Variants in DNER observed in about 807,000 individuals in gnomAD.
DNER encodes the protein delta and Notch-like epidermal growth factor-related receptor.
Under a neutral mutation model 78.2 loss-of-function variants are expected in DNER, and 33 were observed. The observed-to-expected ratio is 0.42, with a 90% CI of 0.32 to 0.56. DNER has a LOEUF of 0.56. Among genes scored for constraint, DNER ranks in the 20% least tolerant of loss-of-function variants. The pLI, the probability that DNER is intolerant of heterozygous loss-of-function variation, is 0.11. For missense variants in DNER, 918 were observed against 975.3 expected, an observed-to-expected ratio of 0.94 and a Z score of 0.78; for synonymous variants, 417 against 384.8, an observed-to-expected ratio of 1.08 and a Z score of -0.98.
intron 1 of DNER, among the ~76,000 whole-genome samples, chr2:229,624,264 A>T (rs554342879): frequency 6.6e-6 from 1 of 152,368 alleles, no homozygotes; most frequent in Non-Finnish European, 1.5e-5. Flanking sequence ...AAGTGAAGTT[A>T]AGAAAGAGAA....
intron 7 of DNER, among the ~76,000 whole-genome samples, chr2:229,453,438 G>A (rs554189061): frequency 1.3e-5 from 2 of 152,276 alleles, no homozygotes; most frequent in South Asian, 4.1e-4. Context: ...TTGTGCTCAG[G>A]AGAGAGGTAT....
intron 5 of DNER, among the ~76,000 whole-genome samples, chr2:229,536,594 C>T (rs1257872646): frequency 3.3e-5 from 5 of 152,144 alleles, no homozygotes; most frequent in Non-Finnish European, 7.4e-5. Flanking sequence ...AAGGTATAAG[C>T]ATTCCAGGGG....
chr2:229,576,787 A>G (rs1350228977), intron 4 of DNER, among the ~76,000 whole-genome samples: 1 of 151,982 alleles, frequency 6.6e-6, no homozygotes, highest in African/African-American at 2.4e-5. Context: ...AGTGGAGAGA[A>G]ATGACGCCAG....
intron 1 of DNER, among the ~76,000 whole-genome samples, chr2:229,671,381 G>C (rs542907883): frequency 3.3e-5 from 5 of 152,170 alleles, no homozygotes; most frequent in Admixed American, 3.3e-4. Context: ...TCCTCTAGCT[G>C]CTTAAAATTC....
chr2:229,654,233 C>T (rs772212672), intron 1 of DNER, among the ~76,000 whole-genome samples: 1 of 151,868 alleles, frequency 6.6e-6, no homozygotes, highest in Non-Finnish European at 1.5e-5. Flanking sequence ...TCTGTCCTTG[C>T]GATAGTTTGC....
At chr2:229,472,794 C>T (rs1296106598) in intron 7 of DNER, among the ~76,000 whole-genome samples, 4 of 152,284 alleles carry the variant, frequency 2.6e-5, no homozygotes, top group East Asian at 3.9e-4. Context: ...TCATCCCCAC[C>T]GTAACCAGAA....
At chr2:229,361,911 G>A (rs115776082) in intron 12 of DNER, among the ~76,000 whole-genome samples, 1 of 151,924 alleles carries the variant, frequency 6.6e-6, no homozygotes, top group Non-Finnish European at 1.5e-5. Context: ...TGCTGGGTGG[G>A]GCGGGCTGGG....
intron 6 of DNER, among the ~76,000 whole-genome samples, chr2:229,508,836 G>A (rs967702849): frequency 1.3e-5 from 2 of 151,940 alleles, no homozygotes; most frequent in East Asian, 1.9e-4. Flanking sequence ...AGCTGAGATC[G>A]CACCACTGCC....
chr2:229,495,958 C>A (rs1198183116), intron 6 of DNER, among the ~76,000 whole-genome samples: 1 of 152,180 alleles, frequency 6.6e-6, no homozygotes, highest in East Asian at 1.9e-4. Flanking sequence ...AACTTATTGG[C>A]CACATGTAAA....
chr2:229,434,036 G>T (rs1694070067), intron 8 of DNER, among the ~76,000 whole-genome samples: 2 of 152,124 alleles, frequency 1.3e-5, no homozygotes, highest in South Asian at 2.1e-4. Context: ...ACAAAGTTGC[G>T]CTGTTTCCAA....
chr2:229,712,030 G>A lies in DNER; in HGVS notation c.276+2118C>T, dbSNP rs909347101. On this transcript the variant is annotated intron_variant, in intron 1 of 12. Transcript: ENST00000341772. ...TGAATCATCTCAGTAAGTTTTTCTG[G>A]GTAACCAAGTCCAATCAAGTTCCAA... Among the ~76,000 whole-genome samples, 95 of 152,098 alleles carry A rather than the reference G, an allele frequency of 6.2e-4. 1 individual carries two copies. Among genetic ancestry groups the A allele is most frequent in the African/African-American group, 2.1e-3 (87 of 41,450 alleles).
rs1056118074 is a variant in DNER, at chr2:229,418,163, G to A, written c.1554C>T (p.Ala518=). 1.9e-6 allele frequency: 3 copies of A among 1,614,176 alleles called. No individual in the cohort carries two copies. Among genetic ancestry groups the A allele is most frequent in the South Asian group, 1.1e-5 (1 of 91,088 alleles). Residue 518 remains alanine, a synonymous_variant, in exon 9 of 13, where the codon GCC becomes GCT. Coordinates refer to ENST00000341772, the MANE Select transcript of DNER (RefSeq NM_139072.4). ...ECLSAPCLNA[A]TCRDLVNGYE... The stretch of plus-strand genomic sequence containing the variant: ...AGCCATTAACGAGGTCCCTGCAGGT[G>A]GCTGCATTCAGGCATGGAGCGGAGA...
intron 6 of DNER, 60 bp downstream of exon 6, chr2:229,512,723 C>T (rs1386185474): frequency 3.2e-6 from 5 of 1,567,438 alleles, no homozygotes; most frequent in South Asian, 1.2e-5. Flanking sequence ...AAATAAAAAA[C>T]AAGAGGTGCA....
At chr2:229,576,922 C>G (rs1417217659) in intron 4 of DNER, among the ~76,000 whole-genome samples, 1 of 152,032 alleles carries the variant, frequency 6.6e-6, no homozygotes, top group East Asian at 1.9e-4. Context: ...TCTGAGCTGG[C>G]CTTGGTATCT....
chr2:229,417,440 G>A (rs530640492), intron 9 of DNER, among the ~76,000 whole-genome samples: 106 of 152,300 alleles, frequency 7.0e-4, no homozygotes, highest in African/African-American at 2.4e-3. Flanking sequence ...GAACAGGGCC[G>A]TCTGAGGATA....
At chr2:229,414,055 G>A (rs1048544041) in intron 9 of DNER, among the ~76,000 whole-genome samples, 1 of 151,952 alleles carries the variant, frequency 6.6e-6, no homozygotes, top group Non-Finnish European at 1.5e-5. Flanking sequence ...ACAGGATCAT[G>A]TGGCCTCTCA....
intron 12 of DNER, among the ~76,000 whole-genome samples, chr2:229,363,015 G>A (rs541890649): frequency 5.8e-4 from 88 of 152,148 alleles, no homozygotes; most frequent in Non-Finnish European, 1.1e-3. Flanking sequence ...TCTTTTTCCC[G>A]TGATCAGGCA....
intron 6 of DNER, among the ~76,000 whole-genome samples, chr2:229,510,359 G>A (rs1354645156): frequency 6.6e-6 from 1 of 152,252 alleles, no homozygotes; most frequent in East Asian, 1.9e-4. Context: ...GGGCATGGAT[G>A]AGGCAAAGGC....
intron 11 of DNER, among the ~76,000 whole-genome samples, chr2:229,367,886 C>T (rs1267157685): frequency 1.3e-5 from 2 of 152,168 alleles, no homozygotes; most frequent in African/African-American, 4.8e-5. Context: ...TCAGGAAATG[C>T]ATAAAGCCTT....
Sources: allele counts gnomAD v4.1 joint callset (sites outside exome capture counted in the v4.1 genomes callset), GRCh38; gene constraint gnomAD v4.1.1; transcripts MANE v1.5; gene names NCBI Gene and HGNC (gene_info 2026-07-23, HGNC 2026-07-21).